The following UCHL1 variants were observed in gnomAD, a reference collection of about 807,000 sequenced individuals.
UCHL1 encodes ubiquitin carboxyl-terminal hydrolase isozyme L1.
Under a neutral mutation model 33.3 loss-of-function variants are expected in UCHL1, and 5 were observed. The ratio of observed to expected loss-of-function variants is 0.15; its 90% confidence interval spans 0.08 to 0.32. The LOEUF (loss-of-function observed/expected upper bound fraction) is 0.32. Among genes scored for constraint, UCHL1 ranks in the 10% least tolerant of loss-of-function variants. UCHL1 has a pLI of 1.00. For synonymous variants in UCHL1, 132 were observed against 108.8 expected (o/e 1.21, Z -1.33); for missense variants, 236 against 280.0 (o/e 0.84, Z 1.12).
chr4:41,267,072 C>T (rs530736678), intron 8 of UCHL1, among the ~76,000 whole-genome samples: 5 of 152,286 alleles, frequency 3.3e-5, no homozygotes, highest in Admixed American at 3.3e-4. Context: ...GATCCCAAAA[C>T]AATTATATCC....
At chr4:41,258,778 G>A (rs1781024886) in intron 3 of UCHL1, among the ~76,000 whole-genome samples, 1 of 152,208 alleles carries the variant, frequency 6.6e-6, no homozygotes, top group Admixed American at 6.5e-5. Flanking sequence ...GCTAAGTATT[G>A]TGGGTAAAAA....
In UCHL1 at chr4:41,257,055, AG is replaced by A. The variant is rs747436842; in HGVS notation, c.33+51del. 1.7e-5 allele frequency: 27 copies of A among 1,613,966 alleles called. No homozygotes were observed. The Admixed American group carries it at 2.0e-4, about 12-fold the overall frequency. ...TACCCGGAGAGCGCGAGGCCGAGGGAGGGGGAGCCGAGTCGCTGATCGGTTC... is the reference window on the plus strand; with the variant it reads ...TACCCGGAGAGCGCGAGGCCGAGGGAGGGGAGCCGAGTCGCTGATCGGTTC... On this transcript the variant is annotated intron_variant, in intron 1 of 8. Transcript: ENST00000284440.
At chr4:41,264,964 A>C (rs555199296) in intron 8 of UCHL1, among the ~76,000 whole-genome samples, 22 of 152,214 alleles carry the variant, frequency 1.4e-4, no homozygotes, top group Non-Finnish European at 3.1e-4. Context: ...ATTTTCTATA[A>C]AGAGCCAAAC....
chr4:41,257,631 C>T lies in UCHL1; in HGVS notation c.68C>T (p.Ala23Val). ...LNKVLSRLGV[A>V]GQWRFVDVLG... ...CAGGTGCTGTCCCGGCTGGGGGTCG[C>T]CGGCCAGTGGCGCTTCGTGGACGTG... The change falls in exon 3 of 9, where the codon GCC becomes GTC. Residue 23 changes from alanine to valine, a missense_variant. Transcript: ENST00000284440. 2 of 1,556,432 alleles carry T rather than the reference C, an allele frequency of 1.3e-6. No individual in the cohort carries two copies. Among genetic ancestry groups the T allele is most frequent in the Non-Finnish European group, 8.6e-7 (1 of 1,156,708 alleles).
rs1561079489 is a variant in UCHL1 at position 41,257,740 on chromosome 4, A to AG, written c.174+6dup. On this transcript the variant is annotated splice_donor_region_variant and intron_variant, in intron 3 of 8. Transcript: ENST00000284440. Reference sequence around the variant, plus strand: ...TGCTGTTTCCCCTCACGGCCCAGGTAGGGCGTGGGGCCCAGGATGCGCCGG... The same window carrying AG: ...TGCTGTTTCCCCTCACGGCCCAGGTAGGGGCGTGGGGCCCAGGATGCGCCGG... 1 of 1,573,258 alleles carries AG rather than the reference A, an allele frequency of 6.4e-7. No homozygotes were observed. The highest frequency in any genetic ancestry group is 8.6e-7 in the Non-Finnish European group (1 of 1,164,486).
Position 41,257,711 on chromosome 4 carries a change from C to G in UCHL1, c.148C>G (p.Leu50Val). Residue 50 changes from leucine (L) to valine (V), a missense_variant, in exon 3 of 9, where the codon CTG becomes GTG. Leu to Val is a conservative substitution (Grantham distance 32, BLOSUM62 1). Coordinates refer to ENST00000284440, the MANE Select transcript of UCHL1 (RefSeq NM_004181.5). ...GSVPAPACAL[L>V]LLFPLTAQHE... The stretch of plus-strand genomic sequence containing the variant: ...GGTGCCAGCGCCTGCCTGCGCGCTG[C>G]TGCTGCTGTTTCCCCTCACGGCCCA... The G allele has an allele frequency of 1.9e-6, 3 of 1,581,632 alleles. No homozygotes were observed. The highest frequency in any genetic ancestry group is 2.6e-6 in the Non-Finnish European group (3 of 1,167,424).
At chr4:41,260,025 G>A (rs1781045813) in intron 3 of UCHL1, among the ~76,000 whole-genome samples, 1 of 152,218 alleles carries the variant, frequency 6.6e-6, no homozygotes, top group African/African-American at 2.4e-5. Flanking sequence ...GCAAGGACAA[G>A]CTAGTGTCAC....
chr4:41,264,485 A>G (rs987089804), intron 8 of UCHL1: 16 of 412,148 alleles, frequency 3.9e-5, no homozygotes, highest in Non-Finnish European at 6.3e-5. Flanking sequence ...CATCATAGCT[A>G]AAGACTCACA....
chr4:41,264,064 A>G (rs756737629), intron 7 of UCHL1, 39 bp from the exon 8 acceptor site: 2 of 1,614,068 alleles, frequency 1.2e-6, no homozygotes, highest in Non-Finnish European at 1.7e-6. Context: ...GCCAGAAAAC[A>G]TGCAGAGAAA....
intron 8 of UCHL1, among the ~76,000 whole-genome samples, chr4:41,267,243 G>A (rs77625510): frequency 7.1e-6 from 1 of 140,074 alleles, no homozygotes; most frequent in African/African-American, 2.7e-5. Context: ...TTTTTTTTTT[G>A]TTTGTTTGTT....
At chr4:41,264,311 T>C in intron 8 of UCHL1, 150 bp downstream of exon 8, 1 of 934,330 alleles carries the variant, frequency 1.1e-6, no homozygotes, top group Non-Finnish European at 1.7e-6. Context: ...TCTTAGTAAC[T>C]CTATCTACCT....
intron 3 of UCHL1, 39 bp downstream of exon 3, chr4:41,257,776 T>G: frequency 6.5e-7 from 1 of 1,540,660 alleles, no homozygotes. Flanking sequence ...CCGCCGGCAG[T>G]GCACGCCGCT....
In UCHL1 at chr4:41,264,123, G is replaced by A. The variant is rs1298840451; in HGVS notation, c.547G>A (p.Val183Met). Residue 183 changes from valine to methionine, a missense_variant, in exon 8 of 9, where the codon GTG (valine) becomes ATG (methionine). Physicochemically the swap from Val to Met is conservative, Grantham distance 21. Coordinates refer to ENST00000284440, the MANE Select transcript of UCHL1 (RefSeq NM_004181.5). ...TACAGATGGACGAATGCCTTTTCCGGTGAACCATGGCGCCAGTTCAGAGGA... is the reference window on the plus strand; with the variant it reads ...TACAGATGGACGAATGCCTTTTCCGATGAACCATGGCGCCAGTTCAGAGGA... ...YELDGRMPFPVNHGASSEDTL... is the reference protein window; with the variant it reads ...YELDGRMPFPMNHGASSEDTL... 6.2e-7 allele frequency: 1 copy of A among 1,614,212 alleles called. No homozygotes were observed. Among genetic ancestry groups the A allele is most frequent in the South Asian group, 1.1e-5 (1 of 91,078 alleles).
intron 3 of UCHL1, among the ~76,000 whole-genome samples, chr4:41,260,380 A>G (rs1462715797): frequency 6.6e-6 from 1 of 152,210 alleles, no homozygotes; most frequent in Non-Finnish European, 1.5e-5. Flanking sequence ...AGTGGTGTCT[A>G]GACACAGCCT....
chr4:41,261,701 ATTT>A lies in UCHL1; in HGVS notation c.326-6_326-4del, dbSNP rs3214812. On this transcript the variant is annotated splice_polypyrimidine_tract_variant and intron_variant, in intron 4 of 8. Coordinates refer to ENST00000284440, the MANE Select transcript of UCHL1 (RefSeq NM_004181.5). Reference sequence around the variant, plus strand: ...TTATTTTACCTATACTAACACATCCATTTTTTTTTTAAGAGGATGGATCAGTTC... The same window carrying A: ...TTATTTTACCTATACTAACACATCCATTTTTTTAAGAGGATGGATCAGTTC... The A allele has an allele frequency of 1.3e-6, 2 of 1,501,470 alleles. No individual in the cohort carries two copies. Among genetic ancestry groups the A allele is most frequent in the Non-Finnish European group, 1.8e-6 (2 of 1,095,872 alleles). 93.0% of individuals were successfully genotyped at this position (1,501,470 alleles called of 1,614,324 possible).
In UCHL1 at chr4:41,257,629, C is replaced by T. The variant is rs1264150418; in HGVS notation, c.66C>T (p.Val22=). 5 of 1,555,320 alleles carry T rather than the reference C, an allele frequency of 3.2e-6. No individual in the cohort carries two copies. The highest frequency in any genetic ancestry group is 1.9e-5 in the Admixed American group (1 of 52,920). Reference sequence around the variant, plus strand: ...CGCAGGTGCTGTCCCGGCTGGGGGTCGCCGGCCAGTGGCGCTTCGTGGACG... The same window carrying T: ...CGCAGGTGCTGTCCCGGCTGGGGGTTGCCGGCCAGTGGCGCTTCGTGGACG... The part of the protein sequence containing the change: ...MLNKVLSRLG[V]AGQWRFVDVL... The change falls in exon 3 of 9, where the codon GTC becomes GTT. Residue 22 remains valine (V), a synonymous_variant. Transcript: ENST00000284440.
chr4:41,260,845 A>G (rs768327189), intron 4 of UCHL1, 48 bp downstream of exon 4: 43 of 1,613,358 alleles, frequency 2.7e-5, no homozygotes, highest in Non-Finnish European at 3.6e-5. Context: ...AACTTGAAAC[A>G]TGGAGTTCAG....
intron 8 of UCHL1, among the ~76,000 whole-genome samples, chr4:41,266,225 A>ATG (rs1781150471): frequency 5.0e-5 from 4 of 80,420 alleles, no homozygotes; most frequent in Non-Finnish European, 9.9e-5. Context: ...CCTGGCTAAA[A>ATG]CTTTTTTTTT....
At position 41,260,672 on chromosome 4, in the gene UCHL1, T is replaced by C. The variant is rs910408396; in HGVS notation, c.200T>C (p.Ile67Thr). The change falls in exon 4 of 9, where the codon ATT (isoleucine) becomes ACT (threonine). Residue 67 changes from isoleucine to threonine, a missense_variant. Coordinates refer to ENST00000284440, the MANE Select transcript of UCHL1 (RefSeq NM_004181.5). ...AQHENFRKKQ[I>T]EELKGQEVSP... ...CATGAGAACTTCAGGAAAAAGCAGA[T>C]TGAAGAGCTGAAGGGACAAGAAGTT... 2 of 1,614,194 alleles carry C rather than the reference T, an allele frequency of 1.2e-6. No homozygotes were observed. Among genetic ancestry groups the C allele is most frequent in the Admixed American group, 1.7e-5 (1 of 60,024 alleles).
Sources: gnomAD v4.1 joint callset for allele counts (sites outside exome capture counted in the v4.1 genomes callset) on GRCh38, gnomAD v4.1.1 for gene constraint, MANE v1.5 for transcripts, NCBI Gene and HGNC (gene_info 2026-07-23, HGNC 2026-07-21) for gene names.